The following RHEX variants were observed in gnomAD, a reference collection of about 807,000 sequenced individuals.
The protein encoded by RHEX is regulator of hemoglobinization and erythroid cell expansion.
A neutral mutation model predicts 20.1 loss-of-function variants in RHEX; 18 were observed. The observed-to-expected ratio is 0.90, with a 90% CI of 0.62 to 1.33. The LOEUF (loss-of-function observed/expected upper bound fraction) is 1.33, where lower values mean the gene tolerates loss of function less well. RHEX is among the 40% of genes most tolerant of loss of function. The pLI, the probability that RHEX is intolerant of heterozygous loss-of-function variation, is 0.00. For missense variants in RHEX, 192 were observed against 214.3 expected, an observed-to-expected ratio of 0.90 and a Z score of 0.65; for synonymous variants, 87 against 77.1, an observed-to-expected ratio of 1.13 and a Z score of -0.67.
chr1:206,099,178 A>T (rs1466568358), intron 3 of RHEX, among the ~76,000 whole-genome samples: 1 of 152,140 alleles, frequency 6.6e-6, no homozygotes, highest in East Asian at 1.9e-4. Context: ...GGCTTTTTCC[A>T]AGTGAGGCGT....
intron 1 of RHEX, chr1:206,080,218 A>G (rs1662708360): frequency 6.6e-6 from 1 of 152,246 alleles, no homozygotes; most frequent in Non-Finnish European, 1.5e-5. Flanking sequence ...GATTGCATAG[A>G]GAGTAGGGTT....
Position 206,064,296 on chromosome 1 carries a change from G to A in RHEX, c.-97+11031G>A, listed in dbSNP as rs1428834026. Among the ~76,000 whole-genome samples the A allele has an allele frequency of 5.8e-5, 8 of 138,566 alleles. No individual in the cohort carries two copies. In the East Asian group the frequency reaches 6.7e-4, roughly 12 times the overall value. The allele number at this position is 138,566 out of a possible 152,430, so 90.9% of individuals were successfully genotyped here. A position where few individuals can be genotyped will look rare whatever the true frequency, so the allele number is the denominator to read the frequency against. On this transcript the variant is annotated intron_variant, in intron 1 of 5. Coordinates refer to ENST00000331555, the MANE Select transcript of RHEX (RefSeq NM_001007544.4). The stretch of plus-strand genomic sequence containing the variant: ...AGCCCCCCGCCCGGCCAGCCGCCCC[G>A]TCCGGGAGGTGAGGGGAACCTCTGC...
chr1:206,078,715 G>A (rs1313949335), intron 1 of RHEX, among the ~76,000 whole-genome samples: 1 of 152,208 alleles, frequency 6.6e-6, no homozygotes, highest in Non-Finnish European at 1.5e-5. Flanking sequence ...AAACTTCGGT[G>A]TATGGAGTGA....
At chr1:206,088,027 A>C (rs1206069010) in intron 1 of RHEX, among the ~76,000 whole-genome samples, 1 of 152,250 alleles carries the variant, frequency 6.6e-6, no homozygotes, top group Non-Finnish European at 1.5e-5. Flanking sequence ...TGAGAGGCTG[A>C]GGAAGATCAC....
Position 206,099,792 on chromosome 1 carries a change from T to C in RHEX, c.250T>C (p.Tyr84His). The C allele has an allele frequency of 6.2e-7, 1 of 1,614,034 alleles. No homozygotes were observed. The highest frequency in any genetic ancestry group is 1.1e-5 in the South Asian group (1 of 91,070). ...AGACATCCCAATGTCTGATTCCCTT[T>C]ACAGGCGTGAGTAAGGGGTTGGAGG... is the stretch of plus-strand genomic sequence containing the variant. ...ERDIPMSDSLYRHDSDTPSDS... is the reference protein window; with the variant it reads ...ERDIPMSDSLHRHDSDTPSDS... Residue 84 changes from tyrosine (Y) to histidine (H), a missense_variant, in exon 4 of 6, where the codon TAC becomes CAC. Coordinates refer to ENST00000331555, the MANE Select transcript of RHEX (RefSeq NM_001007544.4).
chr1:206,059,963 C>T (rs1381747250), intron 1 of RHEX, among the ~76,000 whole-genome samples: 1 of 152,158 alleles, frequency 6.6e-6, no homozygotes, highest in Non-Finnish European at 1.5e-5. Flanking sequence ...CCCCAGGTAC[C>T]TAGCACTGCA....
Position 206,067,584 on chromosome 1 carries a change from C to T in RHEX, c.-97+14319C>T, listed in dbSNP as rs552197379. 1.7e-4 allele frequency among the ~76,000 whole-genome samples: 26 copies of T among 152,234 alleles called. No individual in the cohort carries two copies. In the South Asian group the frequency reaches 5.0e-3, roughly 29 times the overall value. On this transcript the variant is annotated intron_variant, in intron 1 of 5. Transcript: ENST00000331555. The surrounding 1 kb of genome is among the most constrained non-coding windows in gnomAD (Gnocchi z 4.6). The stretch of plus-strand genomic sequence containing the variant: ...AGTGAGCAACAACTTGGAGGGGGCC[C>T]CAGGTGGGGAGAGCAATTTTTCTGC...
intron 1 of RHEX, among the ~76,000 whole-genome samples, chr1:206,054,953 C>A (rs566416134): frequency 6.6e-6 from 1 of 152,270 alleles, no homozygotes; most frequent in Non-Finnish European, 1.5e-5. Context: ...TAAGACAGCA[C>A]GCCAAGATGC....
In RHEX at chr1:206,069,719, T is replaced by C. The variant is rs144821333; in HGVS notation, c.-97+16454T>C. On this transcript the variant is annotated intron_variant, in intron 1 of 5. Coordinates refer to ENST00000331555, the MANE Select transcript of RHEX (RefSeq NM_001007544.4). ...TGTGAAAACATCTATAAACATCTAC[T>C]GAAGCCTGTTCTGTCTGCACCGACA... Among the ~76,000 whole-genome samples the C allele has an allele frequency of 4.2e-4, 63 of 151,306 alleles. No homozygotes were observed. In the East Asian group the frequency reaches 0.01, roughly 25 times the overall value.
Position 206,093,645 on chromosome 1 carries a change from T to A in RHEX, c.-96-4088T>A, listed in dbSNP as rs528801703. 2.6e-5 allele frequency among the ~76,000 whole-genome samples: 4 copies of A among 152,052 alleles called. No homozygotes were observed. The East Asian group carries it at 7.7e-4, about 29-fold the overall frequency. Reference sequence around the variant, plus strand: ...AACCGTTCTTTCTAGAATAAACCTATCCAAAGAAAGCATGGTGTATGGCAG... The same window carrying A: ...AACCGTTCTTTCTAGAATAAACCTAACCAAAGAAAGCATGGTGTATGGCAG... On this transcript the variant is annotated intron_variant, in intron 1 of 5. Coordinates refer to ENST00000331555, the MANE Select transcript of RHEX (RefSeq NM_001007544.4).
intron 1 of RHEX, among the ~76,000 whole-genome samples, chr1:206,090,482 C>T (rs1267858085): frequency 6.6e-6 from 1 of 152,060 alleles, no homozygotes; most frequent in Non-Finnish European, 1.5e-5. Flanking sequence ...GCTGGGATTA[C>T]AGGTGTGAGC....
intron 1 of RHEX, among the ~76,000 whole-genome samples, chr1:206,075,499 T>A (rs147044825): frequency 1.3e-5 from 2 of 152,310 alleles, no homozygotes; most frequent in East Asian, 1.9e-4. Context: ...CAGCATTAAA[T>A]TTTTAAACTA....
chr1:206,093,349 G>A (rs1454361533), intron 1 of RHEX, among the ~76,000 whole-genome samples: 6 of 150,778 alleles, frequency 4.0e-5, no homozygotes, highest in African/African-American at 1.2e-4. Flanking sequence ...TCAGCTCACT[G>A]CAACCTCCGC....
intron 1 of RHEX, among the ~76,000 whole-genome samples, chr1:206,097,506 C>T (rs1332185844): frequency 2.6e-5 from 4 of 152,246 alleles, no homozygotes; most frequent in South Asian, 4.2e-4. Flanking sequence ...CTTTTATAAA[C>T]GAAACTAAAC....
In RHEX at chr1:206,067,982, C is replaced by A. The variant is rs1553284322; in HGVS notation, c.-97+14717C>A. ...AAAATACGTACTCCATGGCTCCATT[C>A]CACTTACGGGGACTGGAGTGGGGAG... On this transcript the variant is annotated intron_variant, in intron 1 of 5. Transcript: ENST00000331555. This position sits in a 1 kb window ranked among gnomAD's most constrained non-coding sequence, Gnocchi z 4.6. Among the ~76,000 whole-genome samples the A allele has an allele frequency of 6.6e-6, 1 of 152,180 alleles. No individual in the cohort carries two copies. The highest frequency in any genetic ancestry group is 1.5e-5 in the Non-Finnish European group (1 of 68,032).
At chr1:206,059,768 G>T (rs1377124929) in intron 1 of RHEX, among the ~76,000 whole-genome samples, 1 of 152,158 alleles carries the variant, frequency 6.6e-6, no homozygotes, top group Non-Finnish European at 1.5e-5. Flanking sequence ...ACAGAATGTG[G>T]CTGGAGAGGG....
chr1:206,098,477 C>A, intron 3 of RHEX: 1 of 334,402 alleles, frequency 3.0e-6, no homozygotes, highest in East Asian at 5.3e-5. Flanking sequence ...AGGAAGTGCT[C>A]GTGTAACCTG....
At chr1:206,084,159 GA>G (rs782648052) in intron 1 of RHEX, among the ~76,000 whole-genome samples, 25 of 152,216 alleles carry the variant, frequency 1.6e-4, no homozygotes, top group Non-Finnish European at 3.7e-4. Context: ...TTTTCCCTGA[GA>G]AAACACTCTG....
chr1:206,098,237 C>A, intron 3 of RHEX, 56 bp downstream of exon 3: 2 of 1,304,180 alleles, frequency 1.5e-6, no homozygotes, highest in Non-Finnish European at 2.2e-6. Context: ...CATTCTCGAG[C>A]CTCCAGCAGG....
Sources: gnomAD v4.1 joint callset for allele counts (sites outside exome capture counted in the v4.1 genomes callset) on GRCh38, gnomAD v4.1.1 for gene constraint, Gnocchi (gnomAD v3.1) non-coding constraint, MANE v1.5 for transcripts, NCBI Gene and HGNC (gene_info 2026-07-23, HGNC 2026-07-21) for gene names.